Variants in CPA6 observed in about 807,000 individuals in gnomAD.
CPA6 encodes carboxypeptidase A6, also known as carboxypeptidase B.
In CPA6, 58 loss-of-function variants were observed where a neutral mutation model predicts 63.3. The ratio of observed to expected loss-of-function variants is 0.92; its 90% CI spans 0.74 to 1.14. The LOEUF (loss-of-function observed/expected upper bound fraction) is 1.14, where lower values mean the gene tolerates loss of function less well. Ranked by LOEUF, CPA6 falls within the 50% of genes most tolerant of loss-of-function variation. CPA6 has a pLI of 0.00. For synonymous variants in CPA6, 185 were observed against 179.0 expected (o/e 1.03, Z -0.27); for missense variants, 565 against 526.6 (o/e 1.07, Z -0.71).
chr8:67,645,550 C>T (rs1815695767), intron 1 of CPA6, among the ~76,000 whole-genome samples: 1 of 152,102 alleles, frequency 6.6e-6, no homozygotes, highest in South Asian at 2.1e-4. Context: ...GGCTGATTTT[C>T]CTGACAGAAA....
intron 8 of CPA6, among the ~76,000 whole-genome samples, chr8:67,446,670 C>T (rs1003679393): frequency 1.3e-5 from 2 of 152,146 alleles, no homozygotes; most frequent in Admixed American, 1.3e-4. Flanking sequence ...ATTGGGAGAT[C>T]ATGGTTATTG....
chr8:67,562,873 A>G (rs551318110), intron 2 of CPA6, among the ~76,000 whole-genome samples: 2 of 152,268 alleles, frequency 1.3e-5, no homozygotes, highest in South Asian at 4.1e-4. Flanking sequence ...ACTCTTTGGT[A>G]TTTTTGTTAG....
intron 1 of CPA6, among the ~76,000 whole-genome samples, chr8:67,705,676 GA>G (rs1202174296): frequency 1.3e-5 from 2 of 152,254 alleles, no homozygotes; most frequent in African/African-American, 4.8e-5. Context: ...TTTCTCCTGG[GA>G]AAGCTACCTA....
intron 2 of CPA6, among the ~76,000 whole-genome samples, chr8:67,524,737 C>A (rs569252472): frequency 1.3e-5 from 2 of 152,092 alleles, no homozygotes; most frequent in Admixed American, 1.3e-4. Flanking sequence ...TTTGTTTCCC[C>A]CATTCTCTGT....
chr8:67,696,647 G>A (rs1390221217), intron 1 of CPA6, among the ~76,000 whole-genome samples: 1 of 152,188 alleles, frequency 6.6e-6, no homozygotes, highest in African/African-American at 2.4e-5. Context: ...TGAACAAAAT[G>A]TGGTATATCC....
chr8:67,549,410 C>A (rs533083057), intron 2 of CPA6, among the ~76,000 whole-genome samples: 1 of 152,270 alleles, frequency 6.6e-6, no homozygotes, highest in South Asian at 2.1e-4. Context: ...ATCTGTGAAA[C>A]CATCACCACA....
intron 1 of CPA6, among the ~76,000 whole-genome samples, chr8:67,644,205 G>A (rs1017336243): frequency 1.3e-5 from 2 of 151,216 alleles, no homozygotes; most frequent in Non-Finnish European, 2.9e-5. Flanking sequence ...TGCAAGCTCC[G>A]CCTCCCGGGT....
intron 6 of CPA6, among the ~76,000 whole-genome samples, chr8:67,495,339 A>G (rs1393895): frequency 0.036 from 5,422 of 152,190 alleles, 318 homozygotes; most frequent in African/African-American, 0.12. Flanking sequence ...TCTTCTCCCA[A>G]GTAGAACTGC....
chr8:67,458,390 G>A (rs920671236), intron 8 of CPA6, among the ~76,000 whole-genome samples: 2 of 152,130 alleles, frequency 1.3e-5, no homozygotes, highest in African/African-American at 4.8e-5. Flanking sequence ...TAGAGATGGG[G>A]TTTCACCATG....
chr8:67,527,224 T>A (rs1418992543), intron 2 of CPA6, among the ~76,000 whole-genome samples: 1 of 152,252 alleles, frequency 6.6e-6, no homozygotes, highest in Non-Finnish European at 1.5e-5. Context: ...CCATTTGGTG[T>A]TCTCAACAAC....
At chr8:67,594,719 T>A (rs917419209) in intron 2 of CPA6, among the ~76,000 whole-genome samples, 1 of 152,240 alleles carries the variant, frequency 6.6e-6, no homozygotes, top group African/African-American at 2.4e-5. Context: ...GAGCCTTGGC[T>A]TTCAGCTCCA....
chr8:67,429,554 C>T (rs1384147718), intron 9 of CPA6: 2 of 152,124 alleles, frequency 1.3e-5, no homozygotes, highest in African/African-American at 4.8e-5. Context: ...AGGGACCAGG[C>T]TCCAGAAACT....
intron 1 of CPA6, among the ~76,000 whole-genome samples, chr8:67,647,336 T>TTTC (rs201563030): frequency 8.0e-4 from 96 of 119,682 alleles, no homozygotes; most frequent in African/African-American, 1.2e-3. Flanking sequence ...TAGGATAATC[T>TTTC]TTTTTTTTTT....
At chr8:67,673,377 ATTATT>A (rs1816392409) in intron 1 of CPA6, among the ~76,000 whole-genome samples, 1 of 131,130 alleles carries the variant, frequency 7.6e-6, no homozygotes, top group Admixed American at 7.3e-5. Flanking sequence ...TATTATTATT[ATTATT>A]TATTTATTTT....
intron 8 of CPA6, among the ~76,000 whole-genome samples, chr8:67,438,177 G>A (rs918345345): frequency 3.3e-5 from 5 of 152,034 alleles, no homozygotes; most frequent in Admixed American, 1.3e-4. Context: ...CTTGGCCTCC[G>A]AAAGTGCTGG....
chr8:67,592,594 C>T (rs1219958765), intron 2 of CPA6, among the ~76,000 whole-genome samples: 11 of 151,860 alleles, frequency 7.2e-5, no homozygotes, highest in Non-Finnish European at 1.0e-4. Context: ...AGAGATTCAA[C>T]TTCTTCCTGG....
intron 1 of CPA6, among the ~76,000 whole-genome samples, chr8:67,665,471 A>G (rs956736286): frequency 1.3e-5 from 2 of 152,212 alleles, no homozygotes; most frequent in African/African-American, 4.8e-5. Flanking sequence ...AAGAACTGAA[A>G]ACAAAAGATG....
chr8:67,641,395 T>C (rs1815589409), intron 1 of CPA6, among the ~76,000 whole-genome samples: 1 of 146,864 alleles, frequency 6.8e-6, no homozygotes, highest in Admixed American at 6.7e-5. Flanking sequence ...ATCAAGGAAC[T>C]ATAAAATGAC....
chr8:67,687,224 A>G (rs991679269), intron 1 of CPA6, among the ~76,000 whole-genome samples: 1 of 152,226 alleles, frequency 6.6e-6, no homozygotes, highest in African/African-American at 2.4e-5. Flanking sequence ...TTTAGCACTG[A>G]AAGTCCCATG....
Sources: gnomAD v4.1 joint callset for allele counts (sites outside exome capture counted in the v4.1 genomes callset) on GRCh38, gnomAD v4.1.1 for gene constraint, MANE v1.5 for transcripts, NCBI Gene and HGNC (gene_info 2026-07-23, HGNC 2026-07-21) for gene names.